Variants in GNA12 observed in about 807,000 individuals in gnomAD.
GNA12 encodes G protein subunit alpha 12.
GNA12 carries 9 observed loss-of-function variants against 26.0 expected under a neutral mutation model. That is an observed-to-expected ratio of 0.35 (90% confidence interval 0.21 to 0.60). The LOEUF (loss-of-function observed/expected upper bound fraction) is 0.60, where lower values mean the gene tolerates loss of function less well. GNA12 is among the 20% of genes least tolerant of loss of function. The pLI is 0.78. For synonymous variants in GNA12, 264 were observed against 219.6 expected (o/e 1.20, Z -1.79); for missense variants, 405 against 525.8 (o/e 0.77, Z 2.25).
chr7:2,814,411 T>A (rs1171278736), intron 1 of GNA12: 2 of 1,369,882 alleles, frequency 1.5e-6, no homozygotes, highest in South Asian at 2.3e-5. Context: ...CATTTAAGAA[T>A]TCCTATAATC....
chr7:2,749,564 T>C (rs963873589), intron 2 of GNA12, among the ~76,000 whole-genome samples: 2 of 151,704 alleles, frequency 1.3e-5, no homozygotes, highest in African/African-American at 4.8e-5. Flanking sequence ...TAATGCTAAA[T>C]GACGAGTTAA....
At chr7:2,769,252 T>A (rs751579897) in intron 2 of GNA12, among the ~76,000 whole-genome samples, 1 of 152,112 alleles carries the variant, frequency 6.6e-6, no homozygotes, top group Non-Finnish European at 1.5e-5. Flanking sequence ...AATAGCCATC[T>A]GGTATTCTAC....
intron 1 of GNA12, among the ~76,000 whole-genome samples, chr7:2,831,163 T>C (rs1338107116): frequency 6.6e-6 from 1 of 151,824 alleles, no homozygotes; most frequent in Non-Finnish European, 1.5e-5. Context: ...CTGGTATGTT[T>C]AAAAACAGTC....
chr7:2,751,425 A>G (rs1211833643), intron 2 of GNA12, among the ~76,000 whole-genome samples: 1 of 151,966 alleles, frequency 6.6e-6, no homozygotes, highest in Non-Finnish European at 1.5e-5. Context: ...AGCTTATAGA[A>G]GAGAAAAAAT....
chr7:2,760,911 G>A (rs1791523101), intron 2 of GNA12, among the ~76,000 whole-genome samples: 1 of 151,774 alleles, frequency 6.6e-6, no homozygotes, highest in Admixed American at 6.6e-5. Context: ...GTGGGGAGTG[G>A]GGGGTTCTGG....
intron 2 of GNA12, among the ~76,000 whole-genome samples, chr7:2,763,980 A>G (rs1442099267): frequency 6.6e-6 from 1 of 152,200 alleles, no homozygotes; most frequent in African/African-American, 2.4e-5. Context: ...GGGCATGAGA[A>G]CAGGGTACGC....
chr7:2,810,075 G>T (rs1028540525), intron 1 of GNA12, among the ~76,000 whole-genome samples: 1 of 152,220 alleles, frequency 6.6e-6, no homozygotes, highest in African/African-American at 2.4e-5. Context: ...GATCGCTTAA[G>T]AAGTACGCAG....
intron 2 of GNA12, among the ~76,000 whole-genome samples, chr7:2,765,380 A>T (rs798482): frequency 0.38 from 58,058 of 151,912 alleles, 11,609 homozygotes; most frequent in Admixed American, 0.45. Flanking sequence ...AGGATGGTCT[A>T]GATCTCCTGA....
chr7:2,788,107 T>C (rs1792411543), intron 2 of GNA12, among the ~76,000 whole-genome samples: 2 of 152,036 alleles, frequency 1.3e-5, no homozygotes, highest in South Asian at 2.1e-4. Flanking sequence ...TGAGCTGAGA[T>C]TGTGCCACTG....
chr7:2,802,380 T>C (rs889378663), intron 1 of GNA12, among the ~76,000 whole-genome samples: 1 of 107,510 alleles, frequency 9.3e-6, no homozygotes, highest in African/African-American at 3.6e-5. Flanking sequence ...CTGCTGGGGA[T>C]GTAGATTTTT....
At chr7:2,819,828 G>T (rs996573652) in intron 1 of GNA12, among the ~76,000 whole-genome samples, 14 of 152,128 alleles carry the variant, frequency 9.2e-5, no homozygotes, top group African/African-American at 3.4e-4. Flanking sequence ...CGGGTAGCTC[G>T]TCAAAATGTT....
At chr7:2,787,612 T>C (rs1583281516) in intron 2 of GNA12, among the ~76,000 whole-genome samples, 1 of 152,222 alleles carries the variant, frequency 6.6e-6, no homozygotes, top group East Asian at 1.9e-4. Context: ...TGGTGAGAGC[T>C]AAAGCCAAGA....
chr7:2,730,002 G>A lies in GNA12; in HGVS notation c.*1179C>T, dbSNP rs1036325434. ...TCTGCAAGCACAGTCATAGAAGCGAGGGGCCTCGATGAGAATCAGACTTAG... is the reference window on the plus strand; with the variant it reads ...TCTGCAAGCACAGTCATAGAAGCGAAGGGCCTCGATGAGAATCAGACTTAG... On this transcript the variant is annotated 3_prime_UTR_variant, in exon 4 of 4. Coordinates refer to ENST00000275364, the MANE Select transcript of GNA12 (RefSeq NM_007353.3). 3 of 152,362 alleles carry A rather than the reference G, an allele frequency of 2.0e-5. No homozygotes were observed. The highest frequency in any genetic ancestry group is 7.2e-5 in the African/African-American group (3 of 41,464). 9.4% of individuals were successfully genotyped at this position (152,362 alleles called of 1,614,324 possible). A position where few individuals can be genotyped will look rare whatever the true frequency, so the allele number is the denominator to read the frequency against.
At chr7:2,831,579 A>G (rs1302189510) in intron 1 of GNA12, among the ~76,000 whole-genome samples, 3 of 151,368 alleles carry the variant, frequency 2.0e-5, no homozygotes, top group African/African-American at 7.3e-5. Context: ...ATTTTTTTGT[A>G]TTTTTAGTAG....
intron 1 of GNA12, among the ~76,000 whole-genome samples, chr7:2,796,220 A>AC (rs1792669727): frequency 1.3e-5 from 2 of 152,218 alleles, no homozygotes; most frequent in East Asian, 3.8e-4. Context: ...TCTGAACGGT[A>AC]CCAAGCCCTA....
intron 2 of GNA12, among the ~76,000 whole-genome samples, chr7:2,750,470 C>T (rs190096098): frequency 6.6e-5 from 10 of 152,320 alleles, no homozygotes; most frequent in Admixed American, 2.0e-4. Flanking sequence ...AATACCCAAC[C>T]TTATCTATAT....
At chr7:2,752,657 A>G (rs76760611) in intron 2 of GNA12, among the ~76,000 whole-genome samples, 3,872 of 152,354 alleles carry the variant, frequency 0.025, 122 homozygotes, top group Middle Eastern at 0.075. Context: ...CATACTGCCA[A>G]TAACCCAATG....
intron 1 of GNA12, among the ~76,000 whole-genome samples, chr7:2,840,582 A>G (rs1778963699): frequency 6.6e-6 from 1 of 152,204 alleles, no homozygotes; most frequent in Admixed American, 6.5e-5. Context: ...TCCCTGGCCA[A>G]GTTTAGTATT....
At chr7:2,799,476 G>C (rs1792756933) in intron 1 of GNA12, among the ~76,000 whole-genome samples, 2 of 152,118 alleles carry the variant, frequency 1.3e-5, no homozygotes, top group South Asian at 4.2e-4. Flanking sequence ...CAGCTACTCA[G>C]GAGGCTGAGG....
Sources: gnomAD v4.1 joint callset for allele counts (sites outside exome capture counted in the v4.1 genomes callset) on GRCh38, gnomAD v4.1.1 for gene constraint, MANE v1.5 for transcripts, NCBI Gene and HGNC (gene_info 2026-07-23, HGNC 2026-07-21) for gene names.